Variants in PATJ observed in about 807,000 individuals in gnomAD.
PATJ encodes the protein PATJ crumbs cell polarity complex component.
A neutral mutation model predicts 224.9 loss-of-function variants in PATJ; 190 were observed. The ratio of observed to expected loss-of-function variants is 0.84; its 90% CI spans 0.75 to 0.95. The LOEUF (loss-of-function observed/expected upper bound fraction) is 0.95, where lower values mean the gene tolerates loss of function less well. Ranked by LOEUF, PATJ falls within the 40% of genes least tolerant of loss-of-function variation. The probability of loss-of-function intolerance (pLI) is 0.00; values close to 1 mark genes in which losing one functional copy is unlikely to be tolerated. For synonymous variants in PATJ, 769 were observed against 820.3 expected (o/e 0.94, Z 1.07); for missense variants, 2,121 against 2,270.3 (o/e 0.93, Z 1.34).
chr1:61,989,063 A>C (rs1379759265), intron 27 of PATJ, among the ~76,000 whole-genome samples: 1 of 152,188 alleles, frequency 6.6e-6, no homozygotes, highest in Non-Finnish European at 1.5e-5. Context: ...TCTGCGGGGC[A>C]CAGCACATGC....
chr1:61,884,090 T>C (rs2149074116), intron 21 of PATJ, 147 bp from the exon 22 acceptor site: 1 of 476,800 alleles, frequency 2.1e-6, no homozygotes, highest in Non-Finnish European at 3.7e-6. Flanking sequence ...ATCTGATATA[T>C]TAAAGCCTTT....
Position 61,795,576 on chromosome 1 carries a change from G to A in PATJ, c.1260+18G>A. 1 of 1,496,660 alleles carries A rather than the reference G, an allele frequency of 6.7e-7. No individual in the cohort carries two copies. Among genetic ancestry groups the A allele is most frequent in the Non-Finnish European group, 9.3e-7 (1 of 1,076,132 alleles). The allele number at this position is 1,496,660 out of a possible 1,614,324, so 92.7% of individuals were successfully genotyped here. A position where few individuals can be genotyped will look rare whatever the true frequency, so the allele number is the denominator to read the frequency against. ...TAGTTGCTGTAAGTAACTCGCCTCT[G>A]TTTTAGGTTTGATTCTAGTTGAAAA... On this transcript the variant is annotated intron_variant, in intron 10 of 43. Transcript: ENST00000642238.
intron 14 of PATJ, among the ~76,000 whole-genome samples, chr1:61,821,479 T>A (rs1308573879): frequency 6.6e-6 from 1 of 152,206 alleles, no homozygotes. Flanking sequence ...GTCCCTCATG[T>A]GCGTGTTGAG....
chr1:62,125,726 C>T (rs953293174), intron 39 of PATJ, among the ~76,000 whole-genome samples: 2 of 152,120 alleles, frequency 1.3e-5, no homozygotes, highest in Admixed American at 1.3e-4. Flanking sequence ...ATAAAGCCTG[C>T]TCCTACCTAC....
At chr1:62,130,695 C>CA (rs1274935611) in intron 41 of PATJ, among the ~76,000 whole-genome samples, 7 of 151,664 alleles carry the variant, frequency 4.6e-5, no homozygotes, top group South Asian at 2.1e-4. Flanking sequence ...ACTAAAAATA[C>CA]AAAAAATTAG....
chr1:62,026,168 G>A (rs556004920), intron 29 of PATJ, among the ~76,000 whole-genome samples: 1 of 152,288 alleles, frequency 6.6e-6, no homozygotes, highest in Admixed American at 6.5e-5. Flanking sequence ...TTCTAATTGT[G>A]AATTGGAACT....
rs1378753467 is a variant in PATJ, at chr1:62,084,532, C to T, written c.4261C>T (p.Leu1421=). ...FTGYGGFQAP[L]SVDPATCPIV... ...TTTTCCAGGTGGTTTCCAGGCTCCT[C>T]TGTCAGTGGACCCCGCAACGTGTCC... The change falls in exon 33 of 44, where the codon CTG becomes TTG. Residue 1421 remains leucine (L), a synonymous_variant. Coordinates refer to ENST00000642238, the MANE Select transcript of PATJ (RefSeq NM_001350145.3). 2 of 1,610,104 alleles carry T rather than the reference C, an allele frequency of 1.2e-6. No homozygotes were observed. The highest frequency in any genetic ancestry group is 1.7e-6 in the Non-Finnish European group (2 of 1,178,872).
chr1:61,994,357 C>A (rs1001096342), intron 28 of PATJ, among the ~76,000 whole-genome samples: 1 of 152,078 alleles, frequency 6.6e-6, no homozygotes, highest in Non-Finnish European at 1.5e-5. Flanking sequence ...CATAGCAATA[C>A]CTTAATACAT....
At chr1:61,808,656 G>C in intron 14 of PATJ, 126 bp downstream of exon 14, 1 of 598,920 alleles carries the variant, frequency 1.7e-6, no homozygotes, top group Non-Finnish European at 2.9e-6. Context: ...CTCCCAAAGT[G>C]TTAGGATTAC....
At chr1:61,923,901 G>A (rs1337247736) in intron 26 of PATJ, among the ~76,000 whole-genome samples, 3 of 136,760 alleles carry the variant, frequency 2.2e-5, no homozygotes, top group Non-Finnish European at 4.6e-5. Context: ...GAGCCTGGAC[G>A]ACAAGACTGA....
At chr1:61,873,119 A>T (rs1305878806) in intron 20 of PATJ, among the ~76,000 whole-genome samples, 1 of 152,102 alleles carries the variant, frequency 6.6e-6, no homozygotes, top group Admixed American at 6.5e-5. Context: ...GTACATCCCT[A>T]AGGTGGCTAT....
intron 14 of PATJ, among the ~76,000 whole-genome samples, chr1:61,821,402 T>C (rs2148714278): frequency 6.6e-6 from 1 of 152,328 alleles, no homozygotes; most frequent in African/African-American, 2.4e-5. Flanking sequence ...CCAGAGATGG[T>C]CGCAGATCCT....
In PATJ at chr1:61,803,989, G is replaced by T. The variant is rs111536606; in HGVS notation, c.1550-1459G>T. 1.6e-3 allele frequency among the ~76,000 whole-genome samples: 241 copies of T among 152,184 alleles called. 1 individual carries two copies. The highest frequency in any genetic ancestry group is 2.9e-3 in the Non-Finnish European group (195 of 67,940). On this transcript the variant is annotated intron_variant, in intron 12 of 43. Transcript: ENST00000642238. ...ATGACTGTGTTTTCATTGTACAACT[G>T]AAAGGTAAAAATATAGTCAAAAAAA...
chr1:62,106,071 T>TAA (rs1662902646), intron 33 of PATJ, among the ~76,000 whole-genome samples: 1 of 22,964 alleles, frequency 4.4e-5, no homozygotes, highest in African/African-American at 1.4e-4. Flanking sequence ...AAAATATATA[T>TAA]ATATATATAC....
chr1:61,835,459 A>G (rs902493075), intron 17 of PATJ, among the ~76,000 whole-genome samples: 3 of 152,150 alleles, frequency 2.0e-5, no homozygotes, highest in Non-Finnish European at 4.4e-5. Flanking sequence ...GCTGGAGTGC[A>G]GTGGTGCGAT....
At chr1:61,844,377 T>A (rs958472663) in intron 17 of PATJ, among the ~76,000 whole-genome samples, 1 of 152,218 alleles carries the variant, frequency 6.6e-6, no homozygotes, top group African/African-American at 2.4e-5. Context: ...GAAAAATCCT[T>A]TGAAAACTTT....
At chr1:61,749,384 G>A (rs1303802037) in intron 1 of PATJ, among the ~76,000 whole-genome samples, 2 of 151,972 alleles carry the variant, frequency 1.3e-5, no homozygotes, top group East Asian at 3.9e-4. Flanking sequence ...GGCCTACAGA[G>A]CGGGTCCTAG....
At chr1:62,021,592 T>C (rs888915273) in intron 29 of PATJ, among the ~76,000 whole-genome samples, 1 of 152,158 alleles carries the variant, frequency 6.6e-6, no homozygotes, top group Admixed American at 6.5e-5. Flanking sequence ...GGATTAAAAA[T>C]ATATATATTT....
chr1:61,947,035 T>C (rs950773215), intron 27 of PATJ, among the ~76,000 whole-genome samples: 7 of 152,144 alleles, frequency 4.6e-5, no homozygotes, highest in African/African-American at 1.7e-4. Context: ...TGCTAAAAAC[T>C]CTCAATAAAC....
Sources: allele counts gnomAD v4.1 joint callset (sites outside exome capture counted in the v4.1 genomes callset), GRCh38; gene constraint gnomAD v4.1.1; transcripts MANE v1.5; gene names NCBI Gene and HGNC (gene_info 2026-07-23, HGNC 2026-07-21).